UBQLN4: variants seen among roughly 807,000 people sequenced by gnomAD.
The protein encoded by UBQLN4 is ubiquilin 4, also known as ubiquilin-4.
A neutral mutation model predicts 60.4 loss-of-function variants in UBQLN4; 11 were observed. The observed-to-expected ratio is 0.18, with a 90% CI of 0.11 to 0.30. UBQLN4 has a LOEUF of 0.30. Ranked by LOEUF, UBQLN4 falls within the 10% of genes least tolerant of loss-of-function variation. UBQLN4 has a pLI of 1.00. For missense variants in UBQLN4, 417 were observed against 795.5 expected (o/e 0.52, Z 5.72); for synonymous variants, 258 against 313.1 (o/e 0.82, Z 1.86).
chr1:156,044,342 G>C (rs1683644767), intron 5 of UBQLN4, 119 bp from the exon 6 acceptor site: 2 of 881,512 alleles, frequency 2.3e-6, no homozygotes, highest in South Asian at 3.2e-5. Flanking sequence ...AGAGATCTAA[G>C]ACCTTAGAGG....
Position 156,050,874 on chromosome 1 carries a change from C to T in UBQLN4, c.478+236G>A, listed in dbSNP as rs891789036. ...CATTCCCTTTACCTAGGGTTCCCCA[C>T]ATCCCCAACCCCATTTCTCCCCTCA... On this transcript the variant is annotated intron_variant, in intron 3 of 10. Transcript: ENST00000368309. This position sits in a 1 kb window ranked among gnomAD's most constrained non-coding sequence, Gnocchi z 4.6. 3.9e-5 allele frequency among the ~76,000 whole-genome samples: 6 copies of T among 152,244 alleles called. No individual in the cohort carries two copies. The highest frequency in any genetic ancestry group is 1.2e-4 in the African/African-American group (5 of 41,550).
Position 156,050,457 on chromosome 1 carries a change from T to C in UBQLN4, c.575A>G (p.Asn192Ser). ...QQQMQRQLMS[N>S]PEMLSQIMEN... ...CATGATCTGTGACAGCATCTCAGGATTGGACATCAGCTGCCGCTGCATCTG... is the reference window on the plus strand; with the variant it reads ...CATGATCTGTGACAGCATCTCAGGACTGGACATCAGCTGCCGCTGCATCTG... Residue 192 changes from asparagine (N) to serine (S), a missense_variant, in exon 4 of 11, where the codon AAT becomes AGT. By Grantham distance (46) the Asn-to-Ser change is conservative. Coordinates refer to ENST00000368309, the MANE Select transcript of UBQLN4 (RefSeq NM_020131.5). The surrounding 1 kb of genome is among the most constrained non-coding windows in gnomAD (Gnocchi z 4.6). 1 of 1,613,886 alleles carries C rather than the reference T, an allele frequency of 6.2e-7. No individual in the cohort carries two copies. Among genetic ancestry groups the C allele is most frequent in the Non-Finnish European group, 8.5e-7 (1 of 1,180,018 alleles).
downstream of UBQLN4, among the ~76,000 whole-genome samples, chr1:156,033,713 G>A (rs761522704): frequency 1.4e-4 from 22 of 151,778 alleles, no homozygotes; most frequent in Non-Finnish European, 2.8e-4. Context: ...GTGTCATGGC[G>A]GGCACCTGCA....
intron 10 of UBQLN4, among the ~76,000 whole-genome samples, chr1:156,040,181 G>A (rs1365785918): frequency 6.6e-6 from 1 of 151,434 alleles, no homozygotes; most frequent in Non-Finnish European, 1.5e-5. Flanking sequence ...ATCACCTAAG[G>A]TCAGGAGTTC....
At chr1:156,043,443 T>C (rs1158350786) in intron 6 of UBQLN4, among the ~76,000 whole-genome samples, 1 of 152,064 alleles carries the variant, frequency 6.6e-6, no homozygotes, top group Non-Finnish European at 1.5e-5. Context: ...GTCCTTACTT[T>C]ACAAATAAGG....
At chr1:156,032,276 A>G (rs189868273), downstream of UBQLN4, among the ~76,000 whole-genome samples, 824 of 151,440 alleles carry the variant, frequency 5.4e-3, 5 homozygotes, top group African/African-American at 0.02. Flanking sequence ...TGCTGGGATT[A>G]CAGGCGTGAG....
chr1:156,034,825 C>CTCTA (rs1683355946), downstream of UBQLN4, among the ~76,000 whole-genome samples: 1 of 46,378 alleles, frequency 2.2e-5, no homozygotes, highest in Non-Finnish European at 4.1e-5. Context: ...CCTTAACCTT[C>CTCTA]TATATATATA....
chr1:156,037,650 G>A (rs1038569621), intron 10 of UBQLN4, among the ~76,000 whole-genome samples: 3 of 152,184 alleles, frequency 2.0e-5, no homozygotes, highest in East Asian at 1.9e-4. Context: ...TATGGCAGGC[G>A]GATATCTTTT....
chr1:156,047,242 A>AT (rs35659997), intron 5 of UBQLN4, among the ~76,000 whole-genome samples: 4,256 of 133,736 alleles, frequency 0.032, 106 homozygotes, highest in Non-Finnish European at 0.048. Context: ...TAACTTGTGA[A>AT]TTTTTTTTTT....
At chr1:156,033,220 C>G (rs781332123), downstream of UBQLN4, 14 of 985,342 alleles carry the variant, frequency 1.4e-5, no homozygotes, top group Admixed American at 3.7e-4. Flanking sequence ...ACTGACTCAG[C>G]TGTGAGCTTC....
chr1:156,043,910 A>C, intron 6 of UBQLN4, 88 bp downstream of exon 6: 2 of 1,405,338 alleles, frequency 1.4e-6, no homozygotes, highest in Non-Finnish European at 2.0e-6. Context: ...TGTCTTCAAA[A>C]TCCTGGAGCA....
In UBQLN4 at chr1:156,035,952, A is replaced by G. The variant is rs753554921; in HGVS notation, c.*1026T>C. Reference sequence around the variant, plus strand: ...CTCCCCACTACTCACACAGACCCCAACCCCCTTCATGTCTTTTGAGGGGGG... The same window carrying G: ...CTCCCCACTACTCACACAGACCCCAGCCCCCTTCATGTCTTTTGAGGGGGG... On this transcript the variant is annotated 3_prime_UTR_variant, in exon 11 of 11. Transcript: ENST00000368309. The G allele has an allele frequency of 1.2e-5, 12 of 984,954 alleles. No individual in the cohort carries two copies. The highest frequency in any genetic ancestry group is 1.8e-5 in the African/African-American group (1 of 56,986). The allele number at this position is 984,954 out of a possible 1,614,324, so 61.0% of individuals were successfully genotyped here.
chr1:156,034,881 T>TC (rs1683364803), downstream of UBQLN4, among the ~76,000 whole-genome samples: 1 of 101,752 alleles, frequency 9.8e-6, no homozygotes, highest in Non-Finnish European at 2.1e-5. Flanking sequence ...AATTTTTTTT[T>TC]CTTTTGAGAC....
At position 156,044,095 on chromosome 1, in the gene UBQLN4, G is replaced by A. The variant is rs536510779; in HGVS notation, c.1029C>T (p.Pro343=). The A allele has an allele frequency of 4.8e-5, 77 of 1,590,188 alleles. No individual in the cohort carries two copies. The African/African-American group carries it at 8.7e-4, about 18-fold the overall frequency. ...CTCCGGTGCCCTCCCCACCGGACCCGGGGGCCTGGGAGGTGGGGGGCGAGG... is the reference window on the plus strand; with the variant it reads ...CTCCGGTGCCCTCCCCACCGGACCCAGGGGCCTGGGAGGTGGGGGGCGAGG... The part of the protein sequence containing the change: ...WSPSPPTSQA[P]GSGGEGTGGS... The change falls in exon 6 of 11, where the codon CCC becomes CCT. Residue 343 remains proline, a synonymous_variant. Transcript: ENST00000368309.
intron 5 of UBQLN4, among the ~76,000 whole-genome samples, chr1:156,047,434 G>C (rs958051832): frequency 2.0e-5 from 3 of 151,014 alleles, no homozygotes; most frequent in East Asian, 2.0e-4. Flanking sequence ...TAGTAGAGAT[G>C]GGGTTTCACC....
intron 5 of UBQLN4, among the ~76,000 whole-genome samples, chr1:156,046,784 G>A (rs1683715370): frequency 6.6e-6 from 1 of 152,098 alleles, no homozygotes; most frequent in Admixed American, 6.6e-5. Flanking sequence ...GGAGGTTGCA[G>A]TGAGCTGAGA....
Position 156,041,470 on chromosome 1 carries a change from C to CA in UBQLN4, c.1653+14dup. 1 of 1,550,588 alleles carries CA rather than the reference C, an allele frequency of 6.4e-7. No homozygotes were observed. The highest frequency in any genetic ancestry group is 8.7e-7 in the Non-Finnish European group (1 of 1,147,594). On this transcript the variant is annotated intron_variant, in intron 10 of 10. Transcript: ENST00000368309. Reference sequence around the variant, plus strand: ...AAGTGGTGCTCCCAGCACCTGCCCCCACTGCCTCATGTACCTGTGAGTTTC... The same window carrying CA: ...AAGTGGTGCTCCCAGCACCTGCCCCCAACTGCCTCATGTACCTGTGAGTTTC...
downstream of UBQLN4, among the ~76,000 whole-genome samples, chr1:156,031,285 T>C (rs1168182693): frequency 6.6e-6 from 1 of 152,204 alleles, no homozygotes; most frequent in Non-Finnish European, 1.5e-5. Context: ...ACTTACCACA[T>C]GGTATTTTGT....
chr1:156,045,979 G>T (rs1408994188), intron 5 of UBQLN4, among the ~76,000 whole-genome samples: 1 of 151,740 alleles, frequency 6.6e-6, no homozygotes, highest in Non-Finnish European at 1.5e-5. Flanking sequence ...CTGAGAAGCT[G>T]GGATGACAGG....
Sources: allele counts gnomAD v4.1 joint callset (sites outside exome capture counted in the v4.1 genomes callset), GRCh38; gene constraint gnomAD v4.1.1; non-coding constraint Gnocchi (gnomAD v3.1); transcripts MANE v1.5; gene names NCBI Gene and HGNC (gene_info 2026-07-23, HGNC 2026-07-21).